POLR1A: variants seen among roughly 807,000 people sequenced by gnomAD.
POLR1A encodes the protein RNA polymerase I subunit A.
POLR1A carries 84 observed loss-of-function variants against 205.3 expected under a neutral mutation model. The observed-to-expected ratio is 0.41, with a 90% confidence interval of 0.34 to 0.49. POLR1A has a LOEUF of 0.49. Ranked by LOEUF, POLR1A falls within the 20% of genes least tolerant of loss-of-function variation. The pLI is 0.22. For synonymous variants in POLR1A, 799 were observed against 863.7 expected, an observed-to-expected ratio of 0.93 and a Z score of 1.31; for missense variants, 1,645 against 2,204.5, an observed-to-expected ratio of 0.75 and a Z score of 5.08.
rs1672628076 is a variant in POLR1A, at chr2:86,042,545, CCT to C, written c.3357+427_3357+428del. 2.0e-5 allele frequency among the ~76,000 whole-genome samples: 3 copies of C among 152,204 alleles called. No individual in the cohort carries two copies. In the South Asian group the frequency reaches 6.2e-4, roughly 31 times the overall value. ...CAAAGTGACTGCTTCAAAGAGATCC[CCT>C]GCTTCCAGCTCCCAGGTGTGCTTGG... On this transcript the variant is annotated intron_variant, in intron 23 of 33. Transcript: ENST00000263857.
chr2:86,081,777 A>G, intron 7 of POLR1A, 71 bp from the exon 8 acceptor site: 1 of 849,814 alleles, frequency 1.2e-6, no homozygotes, highest in Non-Finnish European at 1.9e-6. Context: ...GACAACCATA[A>G]AAATATTACT....
In POLR1A at chr2:86,033,649, G is replaced by A. The variant is rs373315655; in HGVS notation, c.4161+12C>T. 12 of 1,612,168 alleles carry A rather than the reference G, an allele frequency of 7.4e-6. No individual in the cohort carries two copies. In the African/African-American group the frequency reaches 1.5e-4, roughly 20 times the overall value. ...CCTGTGCAACTCTAGTGACCCCCGG[G>A]GACTCACTCACCCGACTCCTCCCCA... On this transcript the variant is annotated intron_variant, in intron 28 of 33. Coordinates refer to ENST00000263857, the MANE Select transcript of POLR1A (RefSeq NM_015425.6).
chr2:86,074,866 G>A (rs893566675), intron 12 of POLR1A, among the ~76,000 whole-genome samples, 164 bp downstream of exon 12: 2 of 152,160 alleles, frequency 1.3e-5, no homozygotes, highest in African/African-American at 4.8e-5. Flanking sequence ...TCTTCTGCCC[G>A]GAGACTACAA....
intron 12 of POLR1A, among the ~76,000 whole-genome samples, chr2:86,074,319 CA>C (rs1673239429): frequency 6.6e-6 from 1 of 152,128 alleles, no homozygotes; most frequent in South Asian, 2.1e-4. Context: ...GAGGAAAATC[CA>C]GGCAGTCACC....
Position 86,098,589 on chromosome 2 carries a change from G to A in POLR1A, c.432+22C>T, listed in dbSNP as rs755894456. On this transcript the variant is annotated intron_variant, in intron 3 of 33. Transcript: ENST00000263857. Reference sequence around the variant, plus strand: ...CACCACTTTGCCTTTTCTGATTTCTGTGACCACCACTACCCACCTACCCTG... The same window carrying A: ...CACCACTTTGCCTTTTCTGATTTCTATGACCACCACTACCCACCTACCCTG... 7.5e-6 allele frequency: 12 copies of A among 1,609,436 alleles called. No individual in the cohort carries two copies. The African/African-American group carries it at 1.5e-4, about 20-fold the overall frequency.
At position 86,070,702 on chromosome 2, in the gene POLR1A, C is replaced by CG. The variant is rs751608924; in HGVS notation, c.1612-431_1612-430insC. On this transcript the variant is annotated intron_variant, in intron 12 of 33. Transcript: ENST00000263857. The surrounding 1 kb of genome is among the most constrained non-coding windows in gnomAD (Gnocchi z 4.4). ...CATTGGCAGACTTTCGAATCCCCCC[C>CG]CCGCCGTGATCACATGTGAGTACAT... Among the ~76,000 whole-genome samples, 1 of 111,322 alleles carries CG rather than the reference C, an allele frequency of 9.0e-6. No homozygotes were observed. Among genetic ancestry groups the CG allele is most frequent in the African/African-American group, 3.6e-5 (1 of 28,052 alleles). 73.0% of individuals were successfully genotyped at this position (111,322 alleles called of 152,430 possible).
At chr2:86,068,097 A>G (rs1469801417) in intron 13 of POLR1A, among the ~76,000 whole-genome samples, 1 of 152,162 alleles carries the variant, frequency 6.6e-6, no homozygotes, top group Non-Finnish European at 1.5e-5. Context: ...GAAGTCTCCT[A>G]TGGCTTTGCA....
In POLR1A at chr2:86,068,392, G is replaced by GGT. The variant is rs1673121525; in HGVS notation, c.1866+1625_1866+1626insAC. Among the ~76,000 whole-genome samples the GGT allele has an allele frequency of 2.6e-5, 3 of 114,760 alleles. 1 individual carries two copies. The highest frequency in any genetic ancestry group is 1.0e-4 in the African/African-American group (3 of 29,344). 75.3% of individuals were successfully genotyped at this position (114,760 alleles called of 152,430 possible). On this transcript the variant is annotated intron_variant, in intron 13 of 33. Coordinates refer to ENST00000263857, the MANE Select transcript of POLR1A (RefSeq NM_015425.6). ...GCACAGCCAAGCACATGGGCGGGGG[G>GGT]GGGGGGCGGGTGTCGTCCAAAGCTG... is the stretch of plus-strand genomic sequence containing the variant.
chr2:86,049,681 CAT>C (rs1290457904), intron 16 of POLR1A, among the ~76,000 whole-genome samples: 1 of 152,200 alleles, frequency 6.6e-6, no homozygotes, highest in Non-Finnish European at 1.5e-5. Flanking sequence ...CCAGAAGTCA[CAT>C]GTCACAGGGG....
At chr2:86,078,471 T>C (rs1361448667) in intron 9 of POLR1A, among the ~76,000 whole-genome samples, 187 bp from the exon 10 acceptor site, 4 of 152,228 alleles carry the variant, frequency 2.6e-5, no homozygotes, top group African/African-American at 9.6e-5. Context: ...CAATAAGACA[T>C]ATCAGCACTA....
intron 14 of POLR1A, 45 bp from the exon 15 acceptor site, chr2:86,054,334 T>C (rs773530270): frequency 1.2e-6 from 2 of 1,601,296 alleles, no homozygotes; most frequent in East Asian, 2.2e-5. Context: ...AGAAAAGTGA[T>C]GGCAAAATGA....
intron 6 of POLR1A, among the ~76,000 whole-genome samples, chr2:86,086,084 G>T (rs1673499946): frequency 6.6e-6 from 1 of 151,802 alleles, no homozygotes; most frequent in Non-Finnish European, 1.5e-5. Flanking sequence ...TTGAGATGGG[G>T]TTTCGCTCTT....
At chr2:86,051,167 G>C (rs907895755) in intron 16 of POLR1A, among the ~76,000 whole-genome samples, 2 of 151,318 alleles carry the variant, frequency 1.3e-5, no homozygotes, top group African/African-American at 4.8e-5. Flanking sequence ...TGTATTAGCT[G>C]ATCCCAAAGG....
intron 6 of POLR1A, among the ~76,000 whole-genome samples, chr2:86,083,388 A>AC (rs60398779): frequency 1.3e-5 from 2 of 151,596 alleles, no homozygotes; most frequent in East Asian, 3.9e-4. Flanking sequence ...AAAAAAAAAA[A>AC]GCAAAGTAAA....
At chr2:86,081,733 A>C (rs181413494) in intron 7 of POLR1A, 27 bp from the exon 8 acceptor site, 409 of 1,406,068 alleles carry the variant, frequency 2.9e-4, no homozygotes, top group Admixed American at 7.6e-4. Flanking sequence ...TAAACCAAGA[A>C]GACCATTTAA....
intron 9 of POLR1A, among the ~76,000 whole-genome samples, chr2:86,079,270 G>C (rs1673352139): frequency 1.3e-5 from 2 of 152,172 alleles, no homozygotes; most frequent in African/African-American, 2.4e-5. Context: ...AGGGAGATAC[G>C]ATCACCTGCA....
chr2:86,028,796 C>G lies in POLR1A; in HGVS notation c.4780-85G>C. The G allele has an allele frequency of 2.1e-6, 2 of 965,970 alleles. No homozygotes were observed. The highest frequency in any genetic ancestry group is 1.4e-5 in the South Asian group (1 of 73,098). The allele number at this position is 965,970 out of a possible 1,614,324, so 59.8% of individuals were successfully genotyped here. A position where few individuals can be genotyped will look rare whatever the true frequency, so the allele number is the denominator to read the frequency against. On this transcript the variant is annotated intron_variant, in intron 31 of 33. Transcript: ENST00000263857. This position sits in a 1 kb window ranked among gnomAD's most constrained non-coding sequence, Gnocchi z 4.5. ...GCGTATCTCCCCCTGGCCGCTCTCT[C>G]TCTCCTTGTGTCTGGCAGCTCGGTA...
intron 6 of POLR1A, among the ~76,000 whole-genome samples, chr2:86,085,983 C>T (rs753162447): frequency 1.3e-5 from 2 of 152,086 alleles, no homozygotes; most frequent in African/African-American, 4.8e-5. Context: ...TGGAGCAGCA[C>T]GTGTGGCATT....
intron 3 of POLR1A, 124 bp downstream of exon 3, chr2:86,098,487 T>C: frequency 3.3e-6 from 3 of 914,248 alleles, no homozygotes; most frequent in South Asian, 1.5e-5. Context: ...TATCCAGTTA[T>C]AAGATATAAA....
Sources: allele counts gnomAD v4.1 joint callset (sites outside exome capture counted in the v4.1 genomes callset), GRCh38; gene constraint gnomAD v4.1.1; non-coding constraint Gnocchi (gnomAD v3.1); transcripts MANE v1.5; gene names NCBI Gene and HGNC (gene_info 2026-07-23, HGNC 2026-07-21).